The following PTPRD variants were observed in gnomAD, a reference collection of about 807,000 sequenced individuals.
PTPRD encodes the protein protein tyrosine phosphatase receptor type D.
Under a neutral mutation model 214.5 loss-of-function variants are expected in PTPRD, and 34 were observed. The ratio of observed to expected loss-of-function variants is 0.16; its 90% confidence interval spans 0.12 to 0.21. The LOEUF (loss-of-function observed/expected upper bound fraction) is 0.21. Among genes scored for constraint, PTPRD ranks in the 10% least tolerant of loss-of-function variants. The probability of loss-of-function intolerance (pLI) is 1.00; values close to 1 mark genes in which losing one functional copy is unlikely to be tolerated. For synonymous variants in PTPRD, 1,128 were observed against 845.7 expected, an observed-to-expected ratio of 1.33 and a Z score of -5.79; for missense variants, 2,545 against 2,398.7, an observed-to-expected ratio of 1.06 and a Z score of -1.27.
intron 11 of PTPRD, among the ~76,000 whole-genome samples, chr9:8,804,282 A>G: frequency 6.6e-6 from 1 of 152,020 alleles, no homozygotes; most frequent in East Asian, 1.9e-4. Flanking sequence ...ACAAATCTAT[A>G]GGCACTTTAA....
intron 11 of PTPRD, among the ~76,000 whole-genome samples, chr9:9,016,842 G>C (rs72692853): frequency 6.6e-6 from 1 of 152,072 alleles, no homozygotes; most frequent in Non-Finnish European, 1.5e-5. Context: ...AAATACCGTA[G>C]CAATCCTGTC....
rs545944466 is a variant in PTPRD at position 10,039,851 on chromosome 9, C to A, written c.-544-6061G>T. Among the ~76,000 whole-genome samples, 4 of 152,096 alleles carry A rather than the reference C, an allele frequency of 2.6e-5. No homozygotes were observed. In the East Asian group the frequency reaches 7.7e-4, roughly 29 times the overall value. ...TTAAAGATGAAAACAATCAATAAAA[C>A]AATATTATGTCTGTTTGGCAAACAA... On this transcript the variant is annotated intron_variant, in intron 3 of 45. Transcript: ENST00000381196.
intron 9 of PTPRD, among the ~76,000 whole-genome samples, chr9:9,273,952 T>C (rs1943965396): frequency 6.6e-6 from 1 of 151,368 alleles, no homozygotes; most frequent in Admixed American, 6.6e-5. Flanking sequence ...CAAGATCCTC[T>C]TTGATCTGTA....
rs1459391536 is a variant in PTPRD, at chr9:10,347,788, T to C, written c.-599-6771A>G. Among the ~76,000 whole-genome samples, 5 of 151,936 alleles carry C rather than the reference T, an allele frequency of 3.3e-5. No homozygotes were observed. The East Asian group carries it at 9.8e-4, about 30-fold the overall frequency. ...GAAATGTACAATAGGCTGTGAGCAG[T>C]GGCTCACGCCTGTAATCCAAGCACT... On this transcript the variant is annotated intron_variant, in intron 2 of 45. Transcript: ENST00000381196.
chr9:9,304,861 A>G (rs1956623438), intron 9 of PTPRD, among the ~76,000 whole-genome samples: 1 of 150,634 alleles, frequency 6.6e-6, no homozygotes, highest in South Asian at 2.1e-4. Flanking sequence ...CCTTGCATCC[A>G]AGGCCCTTCT....
At chr9:10,507,118 T>C (rs2046261248) in intron 2 of PTPRD, among the ~76,000 whole-genome samples, 1 of 152,102 alleles carries the variant, frequency 6.6e-6, no homozygotes, top group South Asian at 2.1e-4. Context: ...AAAAAATCAA[T>C]GTGCAAAAAT....
chr9:8,502,156 G>A (rs1319307204), intron 23 of PTPRD, among the ~76,000 whole-genome samples: 1 of 151,880 alleles, frequency 6.6e-6, no homozygotes, highest in Admixed American at 6.6e-5. Context: ...CAAGCATTAT[G>A]ATTTTAAAAA....
intron 9 of PTPRD, among the ~76,000 whole-genome samples, chr9:9,342,491 G>A (rs1447310419): frequency 6.6e-6 from 1 of 152,104 alleles, no homozygotes; most frequent in Non-Finnish European, 1.5e-5. Context: ...TTGGCTATAT[G>A]CTTTCTAATA....
At chr9:9,584,040 A>G (rs907934149) in intron 7 of PTPRD, among the ~76,000 whole-genome samples, 2 of 152,040 alleles carry the variant, frequency 1.3e-5, no homozygotes, top group Non-Finnish European at 2.9e-5. Flanking sequence ...GCACATAAAA[A>G]TCACCTGGAT....
intron 11 of PTPRD, among the ~76,000 whole-genome samples, chr9:8,943,207 C>G (rs568457473): frequency 6.6e-6 from 1 of 152,028 alleles, no homozygotes; most frequent in Non-Finnish European, 1.5e-5. Flanking sequence ...CCATACTACC[C>G]AAAACAATCT....
intron 8 of PTPRD, among the ~76,000 whole-genome samples, chr9:9,416,417 G>C (rs2077011797): frequency 1.3e-5 from 2 of 152,082 alleles, no homozygotes; most frequent in South Asian, 2.1e-4. Context: ...TCTGATCCTT[G>C]GTTTCCTCAT....
intron 4 of PTPRD, among the ~76,000 whole-genome samples, chr9:10,019,783 G>T (rs895207837): frequency 1.2e-4 from 18 of 147,606 alleles, no homozygotes; most frequent in South Asian, 2.3e-4. Flanking sequence ...GTTGTGGGGT[G>T]GGGGGGAGCT....
chr9:8,367,880 A>C (rs2080367430), intron 39 of PTPRD, among the ~76,000 whole-genome samples: 1 of 152,180 alleles, frequency 6.6e-6, no homozygotes, highest in African/African-American at 2.4e-5. Flanking sequence ...TTAATCTTTA[A>C]AACCAATACT....
At chr9:9,935,142 G>A (rs2088672729) in intron 5 of PTPRD, among the ~76,000 whole-genome samples, 1 of 152,038 alleles carries the variant, frequency 6.6e-6, no homozygotes, top group African/African-American at 2.4e-5. Context: ...AAAACTGGAA[G>A]CATTCCCTTT....
chr9:9,998,113 AAT>A (rs1491484028), intron 4 of PTPRD, among the ~76,000 whole-genome samples: 17 of 65,690 alleles, frequency 2.6e-4, no homozygotes, highest in Admixed American at 1.8e-3. Context: ...CTTAAAGTAT[AAT>A]AAAAAAAAAA....
At chr9:8,382,648 C>T (rs1365400518) in intron 37 of PTPRD, among the ~76,000 whole-genome samples, 1 of 152,182 alleles carries the variant, frequency 6.6e-6, no homozygotes, top group Admixed American at 6.5e-5. Context: ...AAGTGTAGAA[C>T]TTTCTAGATA....
At chr9:8,462,240 T>G (rs73426305) in intron 32 of PTPRD, among the ~76,000 whole-genome samples, 1 of 152,004 alleles carries the variant, frequency 6.6e-6, no homozygotes, top group Non-Finnish European at 1.5e-5. Context: ...GAATGGATAC[T>G]GATTTTACCT....
intron 2 of PTPRD, among the ~76,000 whole-genome samples, chr9:10,361,069 T>C (rs535322412): frequency 1.3e-5 from 2 of 152,216 alleles, no homozygotes; most frequent in East Asian, 1.9e-4. Flanking sequence ...GCCACTGCAC[T>C]CCAGCCTGGG....
At chr9:9,930,944 G>A (rs936772689) in intron 5 of PTPRD, among the ~76,000 whole-genome samples, 5 of 151,062 alleles carry the variant, frequency 3.3e-5, no homozygotes, top group South Asian at 2.1e-4. Flanking sequence ...TGACTCTCCC[G>A]AATTCATAAT....
Sources: allele counts gnomAD v4.1 joint callset (sites outside exome capture counted in the v4.1 genomes callset), GRCh38; gene constraint gnomAD v4.1.1; transcripts MANE v1.5; gene names NCBI Gene and HGNC (gene_info 2026-07-23, HGNC 2026-07-21).